The following CRACR2A variants were observed in gnomAD, a reference collection of about 807,000 sequenced individuals.
The protein encoded by CRACR2A is calcium release activated channel regulator 2A.
A neutral mutation model predicts 90.5 loss-of-function variants in CRACR2A; 79 were observed. That is an observed-to-expected ratio of 0.87 (90% CI 0.73 to 1.05). CRACR2A has a LOEUF of 1.05. Ranked by LOEUF, CRACR2A falls within the 50% of genes least tolerant of loss-of-function variation. The pLI is 0.00. For missense variants in CRACR2A, 823 were observed against 897.2 expected, an observed-to-expected ratio of 0.92 and a Z score of 1.06; for synonymous variants, 338 against 356.7, an observed-to-expected ratio of 0.95 and a Z score of 0.59.
intron 3 of CRACR2A, among the ~76,000 whole-genome samples, chr12:3,700,421 C>T (rs1219576508): frequency 6.6e-6 from 1 of 152,196 alleles, no homozygotes; most frequent in Non-Finnish European, 1.5e-5. Flanking sequence ...AACACAGGCA[C>T]AGCTTGGTAG....
chr12:3,742,160 G>A (rs1349304541), intron 1 of CRACR2A, among the ~76,000 whole-genome samples: 1 of 152,208 alleles, frequency 6.6e-6, no homozygotes, highest in Non-Finnish European at 1.5e-5. Context: ...CTATAACCAG[G>A]ACTGAAAAGA....
intron 10 of CRACR2A, among the ~76,000 whole-genome samples, chr12:3,651,032 T>C (rs761433983): frequency 1.3e-5 from 2 of 152,204 alleles, no homozygotes; most frequent in Admixed American, 6.5e-5. Context: ...CCTTCTAACC[T>C]AGAGGTTCTA....
chr12:3,685,825 A>G (rs1945542468), intron 4 of CRACR2A, among the ~76,000 whole-genome samples: 1 of 152,230 alleles, frequency 6.6e-6, no homozygotes, highest in Admixed American at 6.5e-5. Context: ...TTGCAGAAGA[A>G]AGTGAATGTA....
At chr12:3,684,002 G>A (rs925956646) in intron 4 of CRACR2A, among the ~76,000 whole-genome samples, 2 of 152,166 alleles carry the variant, frequency 1.3e-5, no homozygotes, top group South Asian at 2.1e-4. Flanking sequence ...ATGCCCCAGA[G>A]CCACGGGAAA....
chr12:3,663,317 T>TAA, intron 7 of CRACR2A, among the ~76,000 whole-genome samples: 1 of 151,902 alleles, frequency 6.6e-6, no homozygotes, highest in East Asian at 1.9e-4. Flanking sequence ...TAACTACCTG[T>TAA]TTTTCCAGTG....
In CRACR2A at chr12:3,641,759, T is replaced by A. The variant is rs778375894; in HGVS notation, c.1244A>T (p.Tyr415Phe). The A allele has an allele frequency of 6.4e-7, 1 of 1,551,584 alleles. No homozygotes were observed. The highest frequency in any genetic ancestry group is 8.7e-7 in the Non-Finnish European group (1 of 1,146,980). The change falls in exon 13 of 20, where the codon TAT becomes TTT. Residue 415 changes from tyrosine (Y) to phenylalanine (F), a missense_variant. Tyr to Phe is a conservative substitution (Grantham distance 22). Coordinates refer to ENST00000440314, the MANE Select transcript of CRACR2A (RefSeq NM_001144958.2). ...KKRSGSVIGK[Y>F]VDSRGILRSQ... The stretch of plus-strand genomic sequence containing the variant: ...CCTAAGAATCCCTCTGCTGTCCACA[T>A]ATTTGCCTATCACAGAGCCAGATCT...
At chr12:3,733,740 C>T (rs1234202360) in intron 1 of CRACR2A, among the ~76,000 whole-genome samples, 3 of 152,022 alleles carry the variant, frequency 2.0e-5, no homozygotes, top group African/African-American at 7.3e-5. Context: ...TTAAATCCAT[C>T]GAGTTGTGGG....
At chr12:3,724,067 C>T (rs943194800) in intron 2 of CRACR2A, among the ~76,000 whole-genome samples, 41 of 152,164 alleles carry the variant, frequency 2.7e-4, no homozygotes, top group Non-Finnish European at 8.8e-5. Context: ...TTCCTCCTGT[C>T]TCCTTCCAAT....
At chr12:3,641,869 T>C (rs1944578726) in intron 12 of CRACR2A, 31 bp from the exon 13 acceptor site, 5 of 1,541,658 alleles carry the variant, frequency 3.2e-6, no homozygotes, top group Admixed American at 2.0e-5. Flanking sequence ...CTCAGATCCA[T>C]GCCTATTTGC....
In CRACR2A at chr12:3,711,023, G is replaced by A. The variant is rs946407345; in HGVS notation, c.-37+2214C>T. On this transcript the variant is annotated intron_variant, in intron 3 of 19. Transcript: ENST00000440314. The surrounding 1 kb of genome is among the most constrained non-coding windows in gnomAD (Gnocchi z 4.3). ...TCCTTCTCACATGCAAAATACACTC[G>A]TTCCATTCCAACAGCCTCAAAAGTC... 1.3e-5 allele frequency among the ~76,000 whole-genome samples: 2 copies of A among 152,068 alleles called. No individual in the cohort carries two copies. Among genetic ancestry groups the A allele is most frequent in the Non-Finnish European group, 2.9e-5 (2 of 68,018 alleles).
chr12:3,615,402 T>G lies in CRACR2A; in HGVS notation c.2149A>C (p.Thr717Pro), dbSNP rs1867658904. The G allele has an allele frequency of 1.3e-6, 2 of 1,551,488 alleles. No homozygotes were observed. The highest frequency in any genetic ancestry group is 8.7e-7 in the Non-Finnish European group (1 of 1,146,876). ...KEQEDTVRED[T>P]IQVGHPAKKK... The stretch of plus-strand genomic sequence containing the variant: ...TTAGCAGGGTGGCCGACCTGAATGG[T>G]GTCCTCTCTCACTGTGTCTTCTTGC... The change falls in exon 20 of 20, where the codon ACC becomes CCC. Residue 717 changes from threonine (T) to proline (P), a missense_variant. Transcript: ENST00000440314.
intron 7 of CRACR2A, among the ~76,000 whole-genome samples, chr12:3,668,088 C>A (rs1434217140): frequency 2.6e-5 from 4 of 152,286 alleles, no homozygotes; most frequent in East Asian, 3.9e-4. Context: ...ACACAGAGCA[C>A]AAACCGTCCT....
chr12:3,662,217 T>C (rs17770486), intron 7 of CRACR2A, among the ~76,000 whole-genome samples: 22,315 of 152,166 alleles, frequency 0.15, 1,826 homozygotes, highest in South Asian at 0.26. Flanking sequence ...TTTTGGAAAG[T>C]TGGTCTGCTG....
chr12:3,679,838 A>G (rs1465360081), intron 5 of CRACR2A, among the ~76,000 whole-genome samples: 2 of 152,212 alleles, frequency 1.3e-5, no homozygotes, highest in African/African-American at 4.8e-5. Context: ...TGGAAAATTC[A>G]GCCAGACTTG....
chr12:3,657,063 G>A (rs1204090888), intron 8 of CRACR2A, among the ~76,000 whole-genome samples: 1 of 152,212 alleles, frequency 6.6e-6, no homozygotes, highest in Non-Finnish European at 1.5e-5. Flanking sequence ...ATGGGACGAG[G>A]AGGAAAGTGT....
intron 4 of CRACR2A, among the ~76,000 whole-genome samples, chr12:3,695,914 C>A (rs1419018984): frequency 6.6e-6 from 1 of 152,240 alleles, no homozygotes. Flanking sequence ...GGCATCAAAC[C>A]AGGAGTGGGC....
chr12:3,661,927 A>C (rs1945046818), intron 7 of CRACR2A, among the ~76,000 whole-genome samples: 1 of 152,246 alleles, frequency 6.6e-6, no homozygotes, highest in Non-Finnish European at 1.5e-5. Flanking sequence ...TTAATTCTAT[A>C]ATATAATTAA....
At chr12:3,744,582 T>C (rs1946580189) in intron 1 of CRACR2A, among the ~76,000 whole-genome samples, 1 of 152,224 alleles carries the variant, frequency 6.6e-6, no homozygotes. Flanking sequence ...CATACTACCT[T>C]ACAGGACCCT....
At chr12:3,705,614 C>T (rs1195207601) in intron 3 of CRACR2A, among the ~76,000 whole-genome samples, 2 of 152,208 alleles carry the variant, frequency 1.3e-5, no homozygotes, top group Non-Finnish European at 2.9e-5. Context: ...CCATAAACAG[C>T]AGTACCTGGA....
Sources: gnomAD v4.1 joint callset for allele counts (sites outside exome capture counted in the v4.1 genomes callset) on GRCh38, gnomAD v4.1.1 for gene constraint, Gnocchi (gnomAD v3.1) non-coding constraint, MANE v1.5 for transcripts, NCBI Gene and HGNC (gene_info 2026-07-23, HGNC 2026-07-21) for gene names.